PSG4: variants seen among roughly 807,000 people sequenced by gnomAD.
PSG4 encodes pregnancy specific beta-1-glycoprotein 4, also known as pregnancy-specific beta-1-glycoprotein 4.
Under a neutral mutation model 44.3 loss-of-function variants are expected in PSG4, and 61 were observed. The ratio of observed to expected loss-of-function variants is 1.38; its 90% CI spans 1.12 to 1.70. PSG4 has a LOEUF of 1.70. PSG4 is among the 40% of genes most tolerant of loss of function. The pLI, the probability that PSG4 is intolerant of heterozygous loss-of-function variation, is 0.00. For synonymous variants in PSG4, 248 were observed against 191.3 expected (o/e 1.30, Z -2.45); for missense variants, 677 against 511.7 (o/e 1.32, Z -3.12).
chr19:43,200,288 G>T (rs1244966749), intron 2 of PSG4, among the ~76,000 whole-genome samples: 1 of 144,692 alleles, frequency 6.9e-6, no homozygotes, highest in Non-Finnish European at 1.5e-5. Context: ...CCATCAGATA[G>T]CACCCACCTG....
intron 1 of PSG4, among the ~76,000 whole-genome samples, chr19:43,205,109 T>A (rs990127438): frequency 1.0e-5 from 1 of 100,352 alleles, no homozygotes; most frequent in Non-Finnish European, 1.9e-5. Flanking sequence ...TTTTCCTTTT[T>A]TCTTTTTTTT....
intron 5 of PSG4, chr19:43,193,957 G>A (rs1967115846): frequency 3.8e-6 from 3 of 787,610 alleles, no homozygotes; most frequent in South Asian, 2.9e-5. Context: ...ACGGTTCCCA[G>A]AAGTATAGTT....
chr19:43,194,952 T>A, intron 4 of PSG4, 43 bp downstream of exon 4: 2 of 1,601,386 alleles, frequency 1.2e-6, no homozygotes, highest in Non-Finnish European at 1.7e-6. Flanking sequence ...TGGTTTGGAT[T>A]TAAGCTGGTG....
Position 43,203,874 on chromosome 19 carries a change from G to T in PSG4, c.430+12C>A. 6.4e-7 allele frequency: 1 copy of T among 1,574,486 alleles called. No individual in the cohort carries two copies. The highest frequency in any genetic ancestry group is 1.4e-5 in the African/African-American group (1 of 69,216). On this transcript the variant is annotated intron_variant, in intron 2 of 5. Coordinates refer to ENST00000405312, the MANE Select transcript of PSG4 (RefSeq NM_002780.5). ...GTCCCCCAACACCCAGGGATCATGT[G>T]GAATCACTCACGGTGTAAGGTGAAG... is the stretch of plus-strand genomic sequence containing the variant.
chr19:43,196,237 C>A lies in PSG4; in HGVS notation c.710-964G>T, dbSNP rs1056782399. 1.1e-4 allele frequency among the ~76,000 whole-genome samples: 17 copies of A among 151,570 alleles called. 1 individual carries two copies. Among genetic ancestry groups the A allele is most frequent in the East Asian group, 3.9e-4 (2 of 5,168 alleles). ...ATTGGACATTCTACTCTCTGATTCC[C>A]TGGGTTCGACTACTCTAGGGACCTC... On this transcript the variant is annotated intron_variant, in intron 3 of 5. Transcript: ENST00000405312.
Position 43,204,700 on chromosome 19 carries a change from CA to C in PSG4, c.65-450del, listed in dbSNP as rs1207023219. Reference sequence around the variant, plus strand: ...TCACTTAGCATGTCTGTCTTCCCCCCACGATGACTGTGTGAGCTCCGTGAGG... The same window carrying C: ...TCACTTAGCATGTCTGTCTTCCCCCCCGATGACTGTGTGAGCTCCGTGAGG... On this transcript the variant is annotated intron_variant, in intron 1 of 5. Transcript: ENST00000405312. The C allele has an allele frequency of 2.7e-4, 52 of 194,878 alleles. 3 individuals carry two copies. Among genetic ancestry groups the C allele is most frequent in the Non-Finnish European group, 3.2e-4 (35 of 109,934 alleles). The allele number at this position is 194,878 out of a possible 1,614,324, so 12.1% of individuals were successfully genotyped here.
rs777358008 is a variant in PSG4, at chr19:43,198,208, G to T, written c.498C>A (p.Ile166=). The change falls in exon 3 of 6, where the codon ATC becomes ATA. Residue 166 remains isoleucine, a synonymous_variant. Coordinates refer to ENST00000405312, the MANE Select transcript of PSG4 (RefSeq NM_002780.5). The part of the protein sequence containing the change: ...LNPREAMEAV[I]LTCDPATPAA... ...CTGGAGTCGCAGGATCACAGGTTAA[G>T]ATCACAGCCTCCATGGCCTCCCTGG... The T allele has an allele frequency of 6.3e-7, 1 of 1,587,694 alleles. No homozygotes were observed. The highest frequency in any genetic ancestry group is 1.4e-5 in the African/African-American group (1 of 69,684).
intron 5 of PSG4, 114 bp from the exon 6 acceptor site, chr19:43,193,502 T>C (rs972465470): frequency 1.4e-5 from 10 of 726,766 alleles, no homozygotes; most frequent in Non-Finnish European, 2.0e-5. Flanking sequence ...ATCTCTAGTT[T>C]TACCAATGAT....
chr19:43,198,226 C>T lies in PSG4; in HGVS notation c.480G>A (p.Glu160=), dbSNP rs73548062. The T allele has an allele frequency of 2.0e-4, 321 of 1,587,386 alleles. 62 individuals carry two copies. The African/African-American group carries it at 4.1e-3, about 20-fold the overall frequency. ...SISSSNLNPR[E]AMEAVILTCD... ...AGGTTAAGATCACAGCCTCCATGGC[C>T]TCCCTGGGATTTAAGTTGCTGCTGG... The change falls in exon 3 of 6, where the codon GAG becomes GAA. Residue 160 remains glutamate, a synonymous_variant. Coordinates refer to ENST00000405312, the MANE Select transcript of PSG4 (RefSeq NM_002780.5).
chr19:43,196,038 G>A (rs1325006859), intron 3 of PSG4, among the ~76,000 whole-genome samples: 1 of 151,338 alleles, frequency 6.6e-6, no homozygotes, highest in Non-Finnish European at 1.5e-5. Flanking sequence ...CTTCTGCAGA[G>A]GGCAGGTGAG....
rs568016380 is a variant in PSG4 at position 43,198,693 on chromosome 19, C to G, written c.431-418G>C. On this transcript the variant is annotated intron_variant, in intron 2 of 5. Coordinates refer to ENST00000405312, the MANE Select transcript of PSG4 (RefSeq NM_002780.5). ...TATGTTTTCTCTGCAGCTTCCCTTT[C>G]CAAGGACATCCTAGAGATGGATGAT... 3 of 193,066 alleles carry G rather than the reference C, an allele frequency of 1.6e-5. No individual in the cohort carries two copies. In the South Asian group the frequency reaches 3.2e-4, roughly 20 times the overall value. 12.0% of individuals were successfully genotyped at this position (193,066 alleles called of 1,614,324 possible). A position where few individuals can be genotyped will look rare whatever the true frequency, so the allele number is the denominator to read the frequency against.
chr19:43,202,220 GAAGA>G (rs1568389046), intron 2 of PSG4, among the ~76,000 whole-genome samples: 2 of 145,464 alleles, frequency 1.4e-5, no homozygotes, highest in African/African-American at 5.3e-5. Context: ...ACACAGAGAA[GAAGA>G]GAGAGGCAGA....
intron 2 of PSG4, among the ~76,000 whole-genome samples, chr19:43,201,045 T>C (rs1967487458): frequency 6.9e-6 from 1 of 145,000 alleles, no homozygotes. Context: ...GAGAAATGAG[T>C]CCATGTGCTT....
chr19:43,200,824 C>T (rs1967476023), intron 2 of PSG4, among the ~76,000 whole-genome samples: 1 of 146,266 alleles, frequency 6.8e-6, no homozygotes, highest in South Asian at 2.1e-4. Flanking sequence ...CCTGCCTCGG[C>T]CTCCCAAAGT....
chr19:43,194,130 T>G, intron 5 of PSG4: 2 of 1,403,728 alleles, frequency 1.4e-6, no homozygotes, highest in South Asian at 2.9e-5. Flanking sequence ...TCCTGCTTGG[T>G]CTAGGCTGGG....
chr19:43,194,799 G>C, intron 4 of PSG4, 196 bp downstream of exon 4: 2 of 1,422,218 alleles, frequency 1.4e-6, no homozygotes, highest in South Asian at 1.4e-5. Context: ...CCCATGACAA[G>C]AGCGTCCCCT....
At chr19:43,203,849 G>A (rs748618002) in intron 2 of PSG4, 37 bp downstream of exon 2, 2 of 1,568,666 alleles carry the variant, frequency 1.3e-6, no homozygotes, top group Non-Finnish European at 1.7e-6. Flanking sequence ...AGTGACCCCT[G>A]TCCCCCAACA....
intron 3 of PSG4, among the ~76,000 whole-genome samples, chr19:43,195,514 G>C (rs1315390346): frequency 1.3e-5 from 2 of 151,366 alleles, no homozygotes; most frequent in Non-Finnish European, 2.9e-5. Flanking sequence ...AGCAGTGTTG[G>C]GTCATGGACA....
chr19:43,195,234 T>A lies in PSG4; in HGVS notation c.749A>T (p.Asn250Ile). 6.2e-7 allele frequency: 1 copy of A among 1,610,176 alleles called. No homozygotes were observed. Among genetic ancestry groups the A allele is most frequent in the Non-Finnish European group, 8.5e-7 (1 of 1,178,924 alleles). The change falls in exon 4 of 6, where the codon AAC becomes ATC. Residue 250 changes from asparagine (N) to isoleucine (I), a missense_variant. Physicochemically the swap from Asn to Ile is moderately radical, Grantham distance 149 (BLOSUM62 -3). Coordinates refer to ENST00000405312, the MANE Select transcript of PSG4 (RefSeq NM_002780.5). ...SKPYITINNL[N>I]PRENKDVLTF... ...TAAGACATCCTTATTCTCTCTGGGG[T>A]TTAAGTTGTTGATTGTGATGTAGGG...
Sources: gnomAD v4.1 joint callset for allele counts (sites outside exome capture counted in the v4.1 genomes callset) on GRCh38, gnomAD v4.1.1 for gene constraint, MANE v1.5 for transcripts, NCBI Gene and HGNC (gene_info 2026-07-23, HGNC 2026-07-21) for gene names.